The following CDH2 variants were observed in gnomAD, a reference collection of about 807,000 sequenced individuals.
CDH2 encodes cadherin-2.
CDH2 carries 17 observed loss-of-function variants against 92.0 expected under a neutral mutation model. The observed-to-expected ratio is 0.18, with a 90% CI of 0.13 to 0.28. The LOEUF is 0.28. Among genes scored for constraint, CDH2 ranks in the 10% least tolerant of loss-of-function variants. The probability of loss-of-function intolerance (pLI) is 1.00; values close to 1 mark genes in which losing one functional copy is unlikely to be tolerated. For missense variants in CDH2, 862 were observed against 1,133.1 expected (o/e 0.76, Z 3.44); for synonymous variants, 419 against 415.9 (o/e 1.01, Z -0.09).
chr18:27,955,958 A>T (rs764028798), intron 15 of CDH2, among the ~76,000 whole-genome samples: 108 of 152,090 alleles, frequency 7.1e-4, no homozygotes, highest in Non-Finnish European at 1.2e-3. Flanking sequence ...CCATTTGGAT[A>T]GCACTGATTT....
At chr18:28,137,716 C>T (rs952666889) in intron 2 of CDH2, among the ~76,000 whole-genome samples, 1 of 152,064 alleles carries the variant, frequency 6.6e-6, no homozygotes, top group African/African-American at 2.4e-5. Flanking sequence ...GAAATGGACA[C>T]TCCTTAACAA....
downstream of CDH2, among the ~76,000 whole-genome samples, chr18:27,949,065 G>A (rs960520360): frequency 4.0e-5 from 6 of 151,844 alleles, no homozygotes; most frequent in South Asian, 2.1e-4. Context: ...GTTTTAGTAC[G>A]TCACATGGTT....
chr18:28,169,639 G>T (rs904443135), intron 1 of CDH2, among the ~76,000 whole-genome samples: 13 of 152,040 alleles, frequency 8.6e-5, no homozygotes, highest in African/African-American at 2.9e-4. Context: ...CAATATATGG[G>T]AGTAGGTAAG....
chr18:28,054,296 T>C (rs952527807), intron 2 of CDH2, among the ~76,000 whole-genome samples: 1 of 152,090 alleles, frequency 6.6e-6, no homozygotes, highest in Admixed American at 6.6e-5. Context: ...TTACCAAAAA[T>C]AGTTAGACTG....
chr18:28,007,586 C>A (rs536876853), intron 5 of CDH2, among the ~76,000 whole-genome samples: 12 of 151,976 alleles, frequency 7.9e-5, no homozygotes, highest in African/African-American at 2.7e-4. Flanking sequence ...TTTTTTTTCC[C>A]TTGGCTTATT....
chr18:28,010,690 G>T (rs1441980734), intron 4 of CDH2, among the ~76,000 whole-genome samples: 9 of 151,436 alleles, frequency 5.9e-5, no homozygotes, highest in African/African-American at 2.2e-4. Context: ...TGCGGGGGGG[G>T]AAGGAGTCTC....
chr18:28,114,890 C>CAA (rs549364446), intron 2 of CDH2, among the ~76,000 whole-genome samples: 45 of 142,922 alleles, frequency 3.1e-4, no homozygotes, highest in African/African-American at 1.2e-3. Context: ...CTACAGAATG[C>CAA]AAAAAAAAAA....
intron 9 of CDH2, among the ~76,000 whole-genome samples, chr18:27,991,356 T>A (rs965522887): frequency 2.6e-5 from 4 of 152,156 alleles, no homozygotes; most frequent in Non-Finnish European, 5.9e-5. Context: ...TAGACCACCT[T>A]TTAAAAATCT....
At chr18:27,998,443 T>G (rs1035542612) in intron 7 of CDH2, among the ~76,000 whole-genome samples, 1 of 152,132 alleles carries the variant, frequency 6.6e-6, no homozygotes, top group African/African-American at 2.4e-5. Flanking sequence ...AGGCAGATAA[T>G]AGACTTGAAC....
intron 2 of CDH2, among the ~76,000 whole-genome samples, chr18:28,098,063 T>C (rs1366287102): frequency 6.6e-6 from 1 of 152,158 alleles, no homozygotes; most frequent in East Asian, 1.9e-4. Context: ...TGATAAAGAT[T>C]AAGTGCCAAG....
At chr18:27,983,484 C>T (rs1230754124) in intron 13 of CDH2, among the ~76,000 whole-genome samples, 2 of 152,096 alleles carry the variant, frequency 1.3e-5, no homozygotes, top group Admixed American at 6.5e-5. Context: ...TGTGTTATTT[C>T]GGTTGGTCAG....
downstream of CDH2, among the ~76,000 whole-genome samples, chr18:27,946,700 A>G (rs1010467828): frequency 3.3e-5 from 5 of 152,006 alleles, no homozygotes; most frequent in African/African-American, 9.7e-5. Flanking sequence ...TATTGAAAAA[A>G]CAAAGTATAA....
At chr18:28,145,435 C>T (rs2016020679) in intron 2 of CDH2, among the ~76,000 whole-genome samples, 1 of 152,078 alleles carries the variant, frequency 6.6e-6, no homozygotes, top group Non-Finnish European at 1.5e-5. Flanking sequence ...TAATATATCC[C>T]TTTCAGCTGT....
chr18:28,059,851 TTAATC>T (rs1200094989), intron 2 of CDH2, among the ~76,000 whole-genome samples: 1 of 152,224 alleles, frequency 6.6e-6, no homozygotes, highest in Non-Finnish European at 1.5e-5. Context: ...GGTCTCTTCT[TTAATC>T]TATGTATTCT....
chr18:28,011,797 C>T, intron 4 of CDH2, 49 bp downstream of exon 4: 1 of 1,546,206 alleles, frequency 6.5e-7, no homozygotes, highest in South Asian at 1.2e-5. Context: ...ATATTTTTAA[C>T]ATACATTTGT....
intron 5 of CDH2, among the ~76,000 whole-genome samples, chr18:28,006,989 T>C (rs1016055176): frequency 6.0e-5 from 9 of 150,812 alleles, no homozygotes; most frequent in Non-Finnish European, 8.9e-5. Context: ...CTGGCCAACA[T>C]GGTGAAAACC....
intron 6 of CDH2, among the ~76,000 whole-genome samples, chr18:27,944,451 C>T (rs915661932): frequency 1.3e-5 from 2 of 152,038 alleles, no homozygotes; most frequent in Non-Finnish European, 2.9e-5. Flanking sequence ...TCAGCATGTC[C>T]AAAGTTTAAA....
intron 14 of CDH2, among the ~76,000 whole-genome samples, chr18:27,968,698 A>G (rs2011586687): frequency 6.6e-6 from 1 of 152,222 alleles, no homozygotes; most frequent in Non-Finnish European, 1.5e-5. Context: ...CAAGTGGAAC[A>G]TTTTCCTTTT....
rs145443365 is a variant in CDH2, at chr18:28,123,752, T to C, written c.172+23921A>G. On this transcript the variant is annotated intron_variant, in intron 2 of 15. Transcript: ENST00000269141. ...CACTAAATAAAGGGTTCTGAATTTA[T>C]TGATCAGCTCAGACTAAACCCCTAA... 2.5e-3 allele frequency among the ~76,000 whole-genome samples: 380 copies of C among 152,226 alleles called. 4 individuals are homozygous for C. Among genetic ancestry groups the C allele is most frequent in the African/African-American group, 9.0e-3 (372 of 41,548 alleles).
Sources: allele counts gnomAD v4.1 joint callset (sites outside exome capture counted in the v4.1 genomes callset), GRCh38; gene constraint gnomAD v4.1.1; transcripts MANE v1.5; gene names NCBI Gene and HGNC (gene_info 2026-07-23, HGNC 2026-07-21).